The following WWOX variants were observed in gnomAD, a reference collection of about 807,000 sequenced individuals.
WWOX encodes the protein WW domain-containing oxidoreductase.
Under a neutral mutation model 46.2 loss-of-function variants are expected in WWOX, and 69 were observed. That is an observed-to-expected ratio of 1.49 (90% CI 1.23 to 1.82). WWOX has a LOEUF of 1.82. Among genes scored for constraint, WWOX ranks in the 40% most tolerant of loss-of-function variants. The pLI is 0.00. For missense variants in WWOX, 919 were observed against 542.6 expected (o/e 1.69, Z -6.89); for synonymous variants, 359 against 202.6 (o/e 1.77, Z -6.56).
At chr16:79,153,428 C>T (rs1415878019) in intron 8 of WWOX, among the ~76,000 whole-genome samples, 1 of 152,170 alleles carries the variant, frequency 6.6e-6, no homozygotes, top group African/African-American at 2.4e-5. Context: ...CTCAGGTAGC[C>T]ACTGGTGTGT....
At chr16:78,654,751 A>G (rs1402770951) in intron 8 of WWOX, among the ~76,000 whole-genome samples, 1 of 151,924 alleles carries the variant, frequency 6.6e-6, no homozygotes, top group African/African-American at 2.4e-5. Flanking sequence ...ACCTTTCTTA[A>G]CCTACATCCT....
At chr16:78,735,917 C>G (rs890481420) in intron 8 of WWOX, among the ~76,000 whole-genome samples, 2 of 151,848 alleles carry the variant, frequency 1.3e-5, no homozygotes, top group Non-Finnish European at 2.9e-5. Flanking sequence ...CCAGTGTTCT[C>G]TTTCTCTCAC....
intron 8 of WWOX, among the ~76,000 whole-genome samples, chr16:79,001,762 A>G (rs1469556976): frequency 1.3e-5 from 2 of 152,044 alleles, no homozygotes; most frequent in Non-Finnish European, 2.9e-5. Context: ...TGCAGTGGGA[A>G]GTTGGAGAAA....
chr16:79,080,283 A>G (rs1028087725), intron 8 of WWOX, among the ~76,000 whole-genome samples: 4 of 152,134 alleles, frequency 2.6e-5, no homozygotes, highest in African/African-American at 9.7e-5. Flanking sequence ...TCTGTCTCTC[A>G]TCTCTGCTTT....
intron 4 of WWOX, among the ~76,000 whole-genome samples, chr16:78,129,425 C>A (rs529922362): frequency 3.4e-4 from 52 of 152,242 alleles, no homozygotes; most frequent in African/African-American, 1.3e-3. Flanking sequence ...AGTCATAACA[C>A]AGTGTTAAGT....
intron 5 of WWOX, among the ~76,000 whole-genome samples, chr16:78,384,548 C>T (rs74028142): frequency 0.013 from 2,041 of 152,270 alleles, 43 homozygotes; most frequent in African/African-American, 0.046. Context: ...CTTCAATATT[C>T]TTGGTGGCAG....
chr16:79,137,252 T>C (rs528242154), intron 8 of WWOX, among the ~76,000 whole-genome samples: 1 of 152,316 alleles, frequency 6.6e-6, no homozygotes, highest in Non-Finnish European at 1.5e-5. Context: ...CTTATAGAAA[T>C]CACCATGCTT....
At chr16:78,256,529 C>G (rs7186018) in intron 5 of WWOX, among the ~76,000 whole-genome samples, 1 of 151,680 alleles carries the variant, frequency 6.6e-6, no homozygotes, top group Non-Finnish European at 1.5e-5. Context: ...TGTGACCCTC[C>G]TAGGCAATGT....
chr16:78,473,382 A>G (rs923324693), intron 8 of WWOX, among the ~76,000 whole-genome samples: 2 of 152,074 alleles, frequency 1.3e-5, no homozygotes, highest in Non-Finnish European at 2.9e-5. Context: ...GACCCACCTC[A>G]GCCTCCCAAA....
At chr16:79,008,304 G>C (rs1408521169) in intron 8 of WWOX, among the ~76,000 whole-genome samples, 2 of 152,156 alleles carry the variant, frequency 1.3e-5, no homozygotes, top group Non-Finnish European at 2.9e-5. Flanking sequence ...TCTTCAGTGA[G>C]GGCCCAGCCC....
At position 78,702,120 on chromosome 16, in the gene WWOX, A is replaced by ATATATATATATATATATTTATT. The variant is rs1207718237; in HGVS notation, c.1056+269371_1056+269372insATATATATATATATTTATTTAT. ...TAAAGTTATATATATATATATATAT[A>ATATATATATATATATATTTATT]TATTTATTTATTTTCAAGACATGGT... is the stretch of plus-strand genomic sequence containing the variant. On this transcript the variant is annotated intron_variant, in intron 8 of 8. Transcript: ENST00000566780. 1.5e-3 allele frequency among the ~76,000 whole-genome samples: 192 copies of ATATATATATATATATATTTATT among 130,002 alleles called. 1 individual carries two copies. Among genetic ancestry groups the ATATATATATATATATATTTATT allele is most frequent in the African/African-American group, 5.9e-3 (179 of 30,254 alleles). The allele number at this position is 130,002 out of a possible 152,430, so 85.3% of individuals were successfully genotyped here.
intron 8 of WWOX, among the ~76,000 whole-genome samples, chr16:79,135,953 C>G (rs1240047991): frequency 2.0e-5 from 3 of 152,188 alleles, no homozygotes; most frequent in African/African-American, 7.2e-5. Context: ...AGGAAACCAT[C>G]ACCACCTTCG....
At chr16:78,737,370 A>C (rs2049115905) in intron 8 of WWOX, among the ~76,000 whole-genome samples, 1 of 146,402 alleles carries the variant, frequency 6.8e-6, no homozygotes, top group Admixed American at 6.7e-5. Flanking sequence ...TTCTGACCTC[A>C]GAATGATCCG....
At chr16:78,256,332 G>A (rs945661212) in intron 5 of WWOX, among the ~76,000 whole-genome samples, 1 of 151,840 alleles carries the variant, frequency 6.6e-6, no homozygotes. Flanking sequence ...CCACAGCACT[G>A]GTTTCTAAAC....
chr16:78,604,033 A>G (rs565211927), intron 8 of WWOX, among the ~76,000 whole-genome samples: 11 of 152,272 alleles, frequency 7.2e-5, no homozygotes, highest in East Asian at 3.9e-4. Flanking sequence ...AGTCCCAGCT[A>G]CTAAGGAGGC....
At chr16:78,546,456 C>G (rs1357236845) in intron 8 of WWOX, among the ~76,000 whole-genome samples, 4 of 152,114 alleles carry the variant, frequency 2.6e-5, no homozygotes, top group South Asian at 4.2e-4. Context: ...AATACTGGAC[C>G]CAGAGTTTCA....
At chr16:78,364,959 C>G (rs763925617) in intron 5 of WWOX, among the ~76,000 whole-genome samples, 1 of 152,050 alleles carries the variant, frequency 6.6e-6, no homozygotes, top group Non-Finnish European at 1.5e-5. Context: ...CCCAACCTTT[C>G]TTCTGTCTGT....
At chr16:78,900,858 A>T (rs2044814264) in intron 8 of WWOX, among the ~76,000 whole-genome samples, 1 of 152,050 alleles carries the variant, frequency 6.6e-6, no homozygotes, top group South Asian at 2.1e-4. Flanking sequence ...AAAAAAAAAA[A>T]AAAGAAAAAG....
intron 8 of WWOX, among the ~76,000 whole-genome samples, chr16:78,964,534 T>C (rs2046330315): frequency 7.9e-5 from 12 of 152,212 alleles, no homozygotes; most frequent in Admixed American, 7.9e-4. Flanking sequence ...TTGGGTGCTG[T>C]TAAAGGCATT....
Sources: gnomAD v4.1 joint callset for allele counts (sites outside exome capture counted in the v4.1 genomes callset) on GRCh38, gnomAD v4.1.1 for gene constraint, MANE v1.5 for transcripts, NCBI Gene and HGNC (gene_info 2026-07-23, HGNC 2026-07-21) for gene names.